CCDC136: variants seen among roughly 807,000 people sequenced by gnomAD.
CCDC136 encodes the protein coiled-coil domain-containing protein 136.
CCDC136 carries 100 observed loss-of-function variants against 141.2 expected under a neutral mutation model. The ratio of observed to expected loss-of-function variants is 0.71; its 90% CI spans 0.60 to 0.84. The LOEUF (loss-of-function observed/expected upper bound fraction) is 0.84. CCDC136 is among the 40% of genes least tolerant of loss of function. The probability of loss-of-function intolerance (pLI) is 0.00; values close to 1 mark genes in which losing one functional copy is unlikely to be tolerated. For missense variants in CCDC136, 1,206 were observed against 1,379.4 expected (o/e 0.87, Z 1.99); for synonymous variants, 474 against 531.9 (o/e 0.89, Z 1.50).
At chr7:128,798,590 A>T (rs1803478300) in intron 3 of CCDC136, among the ~76,000 whole-genome samples, 1 of 151,910 alleles carries the variant, frequency 6.6e-6, no homozygotes, top group Non-Finnish European at 1.5e-5. Context: ...CACCTAAGAG[A>T]GAGTTGAACC....
At chr7:128,806,001 C>T in intron 7 of CCDC136, 100 bp downstream of exon 7, 1 of 1,395,330 alleles carries the variant, frequency 7.2e-7, no homozygotes, top group Non-Finnish European at 1.0e-6. Flanking sequence ...CTGTGCTCTG[C>T]TGACTCTTGC....
In CCDC136 at chr7:128,792,280, G is replaced by GCCCCCCCCCCCCCCC; in HGVS notation, c.-126_-125insCCCCCCCCCCCCCCC. On this transcript the variant is annotated 5_prime_UTR_variant, in exon 1 of 18. Transcript: ENST00000297788. The stretch of plus-strand genomic sequence containing the variant: ...TCCTCTGCACCCCAGCCCGCAGCCA[G>GCCCCCCCCCCCCCCC]CCCCCCACCCCCCAGCCCCTCCTTT... 2 of 1,334,786 alleles carry GCCCCCCCCCCCCCCC rather than the reference G, an allele frequency of 1.5e-6. No individual in the cohort carries two copies. The highest frequency in any genetic ancestry group is 2.0e-6 in the Non-Finnish European group (2 of 998,240). The allele number at this position is 1,334,786 out of a possible 1,614,324, so 82.7% of individuals were successfully genotyped here.
At chr7:128,808,580 C>A (rs1414114352) in intron 10 of CCDC136, 1 of 985,272 alleles carries the variant, frequency 1.0e-6, no homozygotes, top group Non-Finnish European at 1.2e-6. Flanking sequence ...GCCCAAGAGT[C>A]TCTAACGATG....
intron 10 of CCDC136, 189 bp downstream of exon 10, chr7:128,807,734 C>A: frequency 2.4e-6 from 1 of 410,330 alleles, no homozygotes; most frequent in East Asian, 3.8e-5. Context: ...AGAGCCACAG[C>A]TTAGTAGGAT....
chr7:128,812,458 C>T (rs1805897221), intron 13 of CCDC136, 146 bp downstream of exon 13: 1 of 909,042 alleles, frequency 1.1e-6, no homozygotes, highest in Non-Finnish European at 1.6e-6. Flanking sequence ...AAGCCCTCTA[C>T]CCATGGCAGC....
In CCDC136 at chr7:128,797,690, A is replaced by T. The variant is rs187766904; in HGVS notation, c.346+2922A>T. 9.2e-5 allele frequency among the ~76,000 whole-genome samples: 14 copies of T among 152,276 alleles called. 1 individual carries two copies. The highest frequency in any genetic ancestry group is 2.0e-4 in the Admixed American group (3 of 15,296). The stretch of plus-strand genomic sequence containing the variant: ...TGGGAGATGAAGGTGAGTACCGATA[A>T]CTCCAGTAGTCATTTTGAAGAGAAG... On this transcript the variant is annotated intron_variant, in intron 3 of 17. Transcript: ENST00000297788.
intron 3 of CCDC136, among the ~76,000 whole-genome samples, chr7:128,799,419 G>C (rs925545471): frequency 1.3e-5 from 2 of 151,864 alleles, no homozygotes; most frequent in Non-Finnish European, 2.9e-5. Context: ...AAAGTTTGTT[G>C]AATAGATGAA....
At chr7:128,799,812 A>T (rs1438766438) in intron 3 of CCDC136, among the ~76,000 whole-genome samples, 1 of 152,188 alleles carries the variant, frequency 6.6e-6, no homozygotes, top group Non-Finnish European at 1.5e-5. Context: ...CCTGGCCCTC[A>T]AATCCTAAAT....
chr7:128,812,461 A>G (rs1232889757), intron 13 of CCDC136, 149 bp downstream of exon 13: 3 of 915,100 alleles, frequency 3.3e-6, no homozygotes, highest in Admixed American at 2.7e-5. Context: ...CCCTCTACCC[A>G]TGGCAGCCTG....
chr7:128,797,004 G>A (rs1223571678), intron 3 of CCDC136, among the ~76,000 whole-genome samples: 1 of 151,928 alleles, frequency 6.6e-6, no homozygotes, highest in East Asian at 1.9e-4. Flanking sequence ...GCCTCCCAAA[G>A]TGCTGGGATT....
rs960874189 is a variant in CCDC136, at chr7:128,812,691, T to TC, written c.2542-12dup. ...GTGCTCCTCAGGGTGCTATTGTTGC[T>TC]CCCCCACCCCCCGCAGCGCTTTGAG... On this transcript the variant is annotated splice_polypyrimidine_tract_variant and intron_variant, in intron 13 of 17. Transcript: ENST00000297788. The TC allele has an allele frequency of 1.9e-6, 3 of 1,600,928 alleles. No individual in the cohort carries two copies. Among genetic ancestry groups the TC allele is most frequent in the Non-Finnish European group, 1.7e-6 (2 of 1,172,940 alleles).
chr7:128,812,364 T>G (rs780227053), intron 13 of CCDC136, 52 bp downstream of exon 13: 11 of 1,550,698 alleles, frequency 7.1e-6, no homozygotes, highest in Non-Finnish European at 9.6e-6. Context: ...CTCTTGTCTT[T>G]TTAAGAGATA....
chr7:128,806,907 G>A (rs561887051), intron 9 of CCDC136, 49 bp downstream of exon 9: 2 of 1,542,530 alleles, frequency 1.3e-6, no homozygotes, highest in Admixed American at 1.9e-5. Context: ...ATCATCTTGT[G>A]TGAGGGTGAG....
intron 16 of CCDC136, 69 bp downstream of exon 16, chr7:128,816,000 G>T: frequency 2.0e-6 from 3 of 1,475,952 alleles, no homozygotes; most frequent in Non-Finnish European, 1.8e-6. Flanking sequence ...CGAGTTAATG[G>T]GTGGCCCTGC....
rs766668484 is a variant in CCDC136 at position 128,805,539 on chromosome 7, G to T, written c.948+15G>T. On this transcript the variant is annotated intron_variant, in intron 6 of 17. Transcript: ENST00000297788. This position sits in a 1 kb window ranked among gnomAD's most constrained non-coding sequence, Gnocchi z 4.6. ...TGAAGAACAAGGTAGGGCACAGAGG[G>T]TGGGGAAGGCAGGCACATTTCTTGT... 37 of 1,590,010 alleles carry T rather than the reference G, an allele frequency of 2.3e-5. No homozygotes were observed. The highest frequency in any genetic ancestry group is 1.8e-5 in the Non-Finnish European group (21 of 1,166,636).
At chr7:128,807,584 T>TG (rs775190128) in intron 10 of CCDC136, 39 bp downstream of exon 10, 7 of 1,305,112 alleles carry the variant, frequency 5.4e-6, no homozygotes, top group Non-Finnish European at 7.0e-6. Flanking sequence ...CCTGGGCACT[T>TG]GCTCCAGAGA....
chr7:128,809,735 G>T (rs1805430988), intron 11 of CCDC136, 91 bp downstream of exon 11: 21 of 1,004,398 alleles, frequency 2.1e-5, no homozygotes, highest in Non-Finnish European at 3.0e-5. Flanking sequence ...GGTGGGGATT[G>T]AACTTTTTCT....
At chr7:128,798,761 T>C (rs1371438141) in intron 3 of CCDC136, among the ~76,000 whole-genome samples, 1 of 152,176 alleles carries the variant, frequency 6.6e-6, no homozygotes, top group African/African-American at 2.4e-5. Context: ...GAGCGGACTT[T>C]TCTTCCAATA....
At chr7:128,804,236 CTT>C (rs950795757) in intron 4 of CCDC136, among the ~76,000 whole-genome samples, 17 of 152,202 alleles carry the variant, frequency 1.1e-4, no homozygotes, top group Non-Finnish European at 2.4e-4. Context: ...CATCTCTCAG[CTT>C]TTTGTACTAA....
Sources: allele counts gnomAD v4.1 joint callset (sites outside exome capture counted in the v4.1 genomes callset), GRCh38; gene constraint gnomAD v4.1.1; non-coding constraint Gnocchi (gnomAD v3.1); transcripts MANE v1.5; gene names NCBI Gene and HGNC (gene_info 2026-07-23, HGNC 2026-07-21).